Variants in KMT2C observed in about 807,000 individuals in gnomAD.
The protein encoded by KMT2C is lysine methyltransferase 2C, also known as histone-lysine N-methyltransferase 2C.
KMT2C carries 88 observed loss-of-function variants against 507.9 expected under a neutral mutation model. The ratio of observed to expected loss-of-function variants is 0.17; its 90% CI spans 0.15 to 0.21. KMT2C has a LOEUF of 0.21. Among genes scored for constraint, KMT2C ranks in the 10% least tolerant of loss-of-function variants. The pLI, the probability that KMT2C is intolerant of heterozygous loss-of-function variation, is 1.00. For synonymous variants in KMT2C, 2,049 were observed against 2,080.8 expected (o/e 0.98, Z 0.42); for missense variants, 4,954 against 5,957.8 (o/e 0.83, Z 5.55).
intron 6 of KMT2C, among the ~76,000 whole-genome samples, chr7:152,296,067 CAAAAAAA>C (rs34144566): frequency 6.6e-4 from 30 of 45,432 alleles, no homozygotes; most frequent in Admixed American, 2.0e-3. Context: ...GACTCCGTCT[CAAAAAAA>C]AAAAAAAAAA....
chr7:152,189,995 G>C (rs1177537615), intron 31 of KMT2C, among the ~76,000 whole-genome samples: 1 of 152,216 alleles, frequency 6.6e-6, no homozygotes, highest in Non-Finnish European at 1.5e-5. Context: ...CCACCTGTCA[G>C]ATCAGTGGCG....
chr7:152,429,367 A>G (rs543726447), intron 1 of KMT2C, among the ~76,000 whole-genome samples: 41 of 152,294 alleles, frequency 2.7e-4, no homozygotes, highest in African/African-American at 8.4e-4. Flanking sequence ...AAAGTGAAAC[A>G]ATTTTCCTTT....
At chr7:152,249,739 A>C (rs1372840818) in intron 13 of KMT2C, 137 bp downstream of exon 13, 5 of 339,852 alleles carry the variant, frequency 1.5e-5, no homozygotes, top group African/African-American at 2.2e-5. Flanking sequence ...TCCATTGTCA[A>C]TTCTTTTCCA....
intron 8 of KMT2C, among the ~76,000 whole-genome samples, chr7:152,264,790 G>A (rs1277563683): frequency 6.6e-6 from 1 of 151,390 alleles, no homozygotes; most frequent in African/African-American, 2.4e-5. Context: ...ATTAAAATCA[G>A]TTTTGTTTAG....
chr7:152,323,087 T>C (rs1174251726), intron 3 of KMT2C, among the ~76,000 whole-genome samples: 1 of 151,962 alleles, frequency 6.6e-6, no homozygotes, highest in Non-Finnish European at 1.5e-5. Context: ...GGGGTGTCAA[T>C]TAGTATAGCC....
chr7:152,232,177 C>A (rs552405907), intron 16 of KMT2C, among the ~76,000 whole-genome samples: 1 of 152,154 alleles, frequency 6.6e-6, no homozygotes, highest in South Asian at 2.1e-4. Context: ...CCGCACCCAG[C>A]CTAAAGGCAG....
At chr7:152,344,451 A>G (rs1334258430) in intron 2 of KMT2C, among the ~76,000 whole-genome samples, 2 of 152,192 alleles carry the variant, frequency 1.3e-5, no homozygotes, top group African/African-American at 2.4e-5. Flanking sequence ...AAATTTATGA[A>G]TTGTTTATTT....
rs1409571547 is a variant in KMT2C at position 152,348,419 on chromosome 7, A to C, written c.250+10168T>G. Reference sequence around the variant, plus strand: ...CGAGATCAGTCTGACCAACATGGTGAAACCCCGTATCTTCTAAAAATACAA... The same window carrying C: ...CGAGATCAGTCTGACCAACATGGTGCAACCCCGTATCTTCTAAAAATACAA... On this transcript the variant is annotated intron_variant, in intron 2 of 58. Transcript: ENST00000262189. Among the ~76,000 whole-genome samples the C allele has an allele frequency of 2.6e-5, 4 of 151,608 alleles. No individual in the cohort carries two copies. In the East Asian group the frequency reaches 5.8e-4, roughly 22 times the overall value.
intron 6 of KMT2C, among the ~76,000 whole-genome samples, chr7:152,303,296 G>C (rs1289447268): frequency 6.6e-6 from 1 of 152,178 alleles, no homozygotes; most frequent in Non-Finnish European, 1.5e-5. Context: ...TGTCAAACCA[G>C]GATTTCTCAA....
chr7:152,208,382 A>G (rs1299717657), intron 23 of KMT2C, among the ~76,000 whole-genome samples: 2 of 152,236 alleles, frequency 1.3e-5, no homozygotes, highest in East Asian at 3.8e-4. Flanking sequence ...CCTGATATTT[A>G]GAAAAGATTA....
chr7:152,423,595 G>A (rs1031239095), intron 1 of KMT2C, among the ~76,000 whole-genome samples: 3 of 152,168 alleles, frequency 2.0e-5, no homozygotes, highest in Admixed American at 1.3e-4. Context: ...TTAGATAAAG[G>A]GAGACACTCC....
chr7:152,241,891 A>C (rs1448616627), intron 14 of KMT2C, among the ~76,000 whole-genome samples: 1 of 152,224 alleles, frequency 6.6e-6, no homozygotes, highest in Non-Finnish European at 1.5e-5. Context: ...TATTCATCAT[A>C]ATTTAAAAGT....
At chr7:152,390,280 A>C (rs537958492) in intron 1 of KMT2C, among the ~76,000 whole-genome samples, 1 of 152,426 alleles carries the variant, frequency 6.6e-6, no homozygotes, top group African/African-American at 2.4e-5. Flanking sequence ...TCTAGACATC[A>C]TTCTACCATA....
At chr7:152,271,873 T>C (rs1057138253) in intron 7 of KMT2C, among the ~76,000 whole-genome samples, 3 of 152,138 alleles carry the variant, frequency 2.0e-5, no homozygotes, top group Non-Finnish European at 4.4e-5. Context: ...TATATCATTA[T>C]ATCAAGTGAC....
chr7:152,216,197 CAG>C lies in KMT2C; in HGVS notation c.3712+4324_3712+4325del, dbSNP rs538133379. Among the ~76,000 whole-genome samples, 18 of 152,294 alleles carry C rather than the reference CAG, an allele frequency of 1.2e-4. No homozygotes were observed. In the South Asian group the frequency reaches 3.5e-3, roughly 30 times the overall value. Reference sequence around the variant, plus strand: ...GTTGTGTTTCCACTCTTGAGACAAACAGAGTGTTATTTTATTGAGGTATGGGA... The same window carrying C: ...GTTGTGTTTCCACTCTTGAGACAAACAGTGTTATTTTATTGAGGTATGGGA... On this transcript the variant is annotated intron_variant, in intron 23 of 58. Transcript: ENST00000262189.
intron 14 of KMT2C, among the ~76,000 whole-genome samples, chr7:152,245,135 A>AT (rs1191314526): frequency 2.0e-5 from 3 of 152,366 alleles, no homozygotes; most frequent in Admixed American, 6.5e-5. Context: ...TGGTTTAGCA[A>AT]TTATCTGCAT....
intron 9 of KMT2C, among the ~76,000 whole-genome samples, chr7:152,255,911 G>A (rs894460373): frequency 3.3e-5 from 5 of 152,192 alleles, no homozygotes; most frequent in African/African-American, 1.2e-4. Flanking sequence ...GCTCACAACT[G>A]CAATCCCAGC....
At chr7:152,367,870 C>G in intron 1 of KMT2C, 3 of 1,058,338 alleles carry the variant, frequency 2.8e-6, no homozygotes, top group Middle Eastern at 3.0e-4. Flanking sequence ...GAACTTAAAC[C>G]ATTGGATATT....
intron 1 of KMT2C, among the ~76,000 whole-genome samples, chr7:152,359,369 A>G (rs2097177651): frequency 6.6e-6 from 1 of 152,260 alleles, no homozygotes; most frequent in East Asian, 1.9e-4. Flanking sequence ...AGAAAAATTA[A>G]TAACACATAA....
Sources: gnomAD v4.1 joint callset for allele counts (sites outside exome capture counted in the v4.1 genomes callset) on GRCh38, gnomAD v4.1.1 for gene constraint, MANE v1.5 for transcripts, NCBI Gene and HGNC (gene_info 2026-07-23, HGNC 2026-07-21) for gene names.